CAST: variants seen among roughly 807,000 people sequenced by gnomAD.
The protein encoded by CAST is calpastatin, also known as MIR583 host.
Under a neutral mutation model 119.6 loss-of-function variants are expected in CAST, and 76 were observed. The ratio of observed to expected loss-of-function variants is 0.64; its 90% confidence interval spans 0.53 to 0.77. CAST has a LOEUF of 0.77. CAST is among the 30% of genes least tolerant of loss of function. CAST has a pLI of 0.00. For synonymous variants in CAST, 319 were observed against 331.6 expected, an observed-to-expected ratio of 0.96 and a Z score of 0.41; for missense variants, 953 against 946.5, an observed-to-expected ratio of 1.01 and a Z score of -0.09.
At chr5:96,381,636 C>T in the CAST span, among the ~76,000 whole-genome samples, 3 of 152,182 alleles carry the variant, frequency 2.0e-5, no homozygotes, top group African/African-American at 4.8e-5. Context: ...GAGTATTTCG[C>T]TCATGTGTGC....
At chr5:96,577,777 T>G (rs996222971) in intron 1 of CAST, among the ~76,000 whole-genome samples, 1 of 152,182 alleles carries the variant, frequency 6.6e-6, no homozygotes, top group Non-Finnish European at 1.5e-5. Context: ...TGGTGTCTGT[T>G]TTATGGTCCA....
At chr5:96,222,073 T>C in the CAST span, among the ~76,000 whole-genome samples, 2 of 152,146 alleles carry the variant, frequency 1.3e-5, no homozygotes, top group Admixed American at 1.3e-4. Flanking sequence ...ATAATAAAAC[T>C]GGACCTCTAT....
At chr5:96,446,386 C>T in the CAST span, among the ~76,000 whole-genome samples, 1 of 152,118 alleles carries the variant, frequency 6.6e-6, no homozygotes, top group African/African-American at 2.4e-5. Context: ...AATTGTGTCT[C>T]TGTAATTTTG....
the CAST span, among the ~76,000 whole-genome samples, chr5:96,041,120 T>C: frequency 6.6e-6 from 1 of 152,148 alleles, no homozygotes; most frequent in Admixed American, 6.6e-5. Flanking sequence ...ACCCATTCCT[T>C]AAGTGTGGGT....
At chr5:96,378,843 T>G in the CAST span, among the ~76,000 whole-genome samples, 2 of 152,172 alleles carry the variant, frequency 1.3e-5, no homozygotes, top group Non-Finnish European at 2.9e-5. Flanking sequence ...ATGTATTATT[T>G]AAAAATTTTA....
At chr5:96,476,680 G>A in the CAST span, among the ~76,000 whole-genome samples, 2 of 152,122 alleles carry the variant, frequency 1.3e-5, no homozygotes, top group African/African-American at 4.8e-5. Context: ...TGAAAGAGTA[G>A]CCATATGCAT....
the CAST span, among the ~76,000 whole-genome samples, chr5:96,072,493 TAAATC>T: frequency 6.6e-6 from 1 of 152,202 alleles, no homozygotes; most frequent in Non-Finnish European, 1.5e-5. Flanking sequence ...GCATTTTCCT[TAAATC>T]AACTAAGATG....
Position 96,727,541 on chromosome 5 carries a change from T to G in CAST, c.378+11T>G. On this transcript the variant is annotated intron_variant, in intron 6 of 31. Transcript: ENST00000675179. Reference sequence around the variant, plus strand: ...TCACAGTCAACCAAGGTAAATAGTTTAAGTCTGTTAGTTAGTTATTTGGAT... The same window carrying G: ...TCACAGTCAACCAAGGTAAATAGTTGAAGTCTGTTAGTTAGTTATTTGGAT... 2 of 1,530,818 alleles carry G rather than the reference T, an allele frequency of 1.3e-6. No homozygotes were observed. The highest frequency in any genetic ancestry group is 1.2e-5 in the South Asian group (1 of 83,288). The allele number at this position is 1,530,818 out of a possible 1,614,324, so 94.8% of individuals were successfully genotyped here.
chr5:96,669,267 CA>C (rs1416211806), intron 1 of CAST, among the ~76,000 whole-genome samples: 1 of 152,220 alleles, frequency 6.6e-6, no homozygotes, highest in Non-Finnish European at 1.5e-5. Context: ...AATACATATA[CA>C]AATATATTTT....
intron 1 of CAST, among the ~76,000 whole-genome samples, chr5:96,630,109 C>T (rs1580852788): frequency 6.6e-6 from 1 of 152,200 alleles, no homozygotes; most frequent in South Asian, 2.1e-4. Context: ...GTCCTAAGAA[C>T]TGGGGATGTA....
chr5:95,967,430 A>AC, the CAST span, among the ~76,000 whole-genome samples: 1 of 151,508 alleles, frequency 6.6e-6, no homozygotes, highest in Admixed American at 6.6e-5. Flanking sequence ...ATAAATAAAT[A>AC]AATAAATAAA....
Position 96,764,068 on chromosome 5 carries a change from C to T in CAST, c.1933-1153C>T, listed in dbSNP as rs112340722. Among the ~76,000 whole-genome samples the T allele has an allele frequency of 4.7e-3, 714 of 152,014 alleles. 5 individuals are homozygous for T. The highest frequency in any genetic ancestry group is 0.016 in the African/African-American group (677 of 41,458). The stretch of plus-strand genomic sequence containing the variant: ...TGAAAATCAACTGGAAAGTTCTATA[C>T]AGTATTGGACAGAGTTCAGCATGGT... On this transcript the variant is annotated intron_variant, in intron 25 of 31. Transcript: ENST00000675179.
Position 96,754,092 on chromosome 5 carries a change from C to T in CAST, c.1557C>T (p.Ala519=), listed in dbSNP as rs770786535. The T allele has an allele frequency of 1.2e-6, 2 of 1,613,800 alleles. No homozygotes were observed. Among genetic ancestry groups the T allele is most frequent in the East Asian group, 2.2e-5 (1 of 44,874 alleles). ...CAGTGCCAGATGATGCTGTAGAAGC[C>T]TTGGCTGATAGCCTGGGGAAAAAGG... The part of the protein sequence containing the change: ...KGTVPDDAVE[A]LADSLGKKEA... The change falls in exon 21 of 32, where the codon GCC becomes GCT. Residue 519 remains alanine, a synonymous_variant. Coordinates refer to ENST00000675179, the MANE Select transcript of CAST (RefSeq NM_001750.7).
the CAST span, chr5:96,213,657 G>A: frequency 6.6e-6 from 1 of 152,048 alleles, no homozygotes; most frequent in African/African-American, 2.4e-5. Flanking sequence ...TGGGTGTGAT[G>A]GTACATGCCT....
At chr5:96,096,970 G>A in the CAST span, among the ~76,000 whole-genome samples, 4 of 152,124 alleles carry the variant, frequency 2.6e-5, no homozygotes, top group Non-Finnish European at 4.4e-5. Flanking sequence ...AAAGATCATC[G>A]AAATTCTCCA....
In CAST at chr5:96,637,990, C is replaced by A. The variant is rs575090368; in HGVS notation, c.61-37549C>A. On this transcript the variant is annotated intron_variant, in intron 1 of 11. Coordinates refer to the CAST transcript ENST00000505143. ...GAGTGCAAATTTTGGAAAAACTTCTCCCCTGACTAGACTAACTGAGAAAAG... is the reference window on the plus strand; with the variant it reads ...GAGTGCAAATTTTGGAAAAACTTCTACCCTGACTAGACTAACTGAGAAAAG... 2.6e-5 allele frequency among the ~76,000 whole-genome samples: 4 copies of A among 152,306 alleles called. No homozygotes were observed. In the South Asian group the frequency reaches 8.3e-4, roughly 32 times the overall value.
chr5:96,613,634 ACT>A (rs1169310586), intron 1 of CAST, among the ~76,000 whole-genome samples: 3 of 151,516 alleles, frequency 2.0e-5, no homozygotes, highest in African/African-American at 7.3e-5. Flanking sequence ...TCCAATCCAT[ACT>A]CTGTCTTCTG....
the CAST span, among the ~76,000 whole-genome samples, chr5:96,318,293 C>T: frequency 6.6e-6 from 1 of 152,198 alleles, no homozygotes; most frequent in South Asian, 2.1e-4. Context: ...CTGGAGTAGG[C>T]AATTATTTTC....
At chr5:96,017,854 G>A in the CAST span, among the ~76,000 whole-genome samples, 2 of 152,126 alleles carry the variant, frequency 1.3e-5, no homozygotes, top group African/African-American at 4.8e-5. Flanking sequence ...TACGAAATGT[G>A]TCTCATTCTT....
Sources: gnomAD v4.1 joint callset for allele counts (sites outside exome capture counted in the v4.1 genomes callset) on GRCh38, gnomAD v4.1.1 for gene constraint, MANE v1.5 for transcripts, NCBI Gene and HGNC (gene_info 2026-07-23, HGNC 2026-07-21) for gene names.